PCSK2: variants seen among roughly 807,000 people sequenced by gnomAD.
PCSK2 encodes the protein neuroendocrine convertase 2.
PCSK2 carries 14 observed loss-of-function variants against 69.7 expected under a neutral mutation model. The ratio of observed to expected loss-of-function variants is 0.20; its 90% CI spans 0.13 to 0.31. PCSK2 has a LOEUF of 0.31. Among genes scored for constraint, PCSK2 ranks in the 10% least tolerant of loss-of-function variants. PCSK2 has a pLI of 1.00. For synonymous variants in PCSK2, 307 were observed against 320.7 expected, an observed-to-expected ratio of 0.96 and a Z score of 0.46; for missense variants, 544 against 842.5, an observed-to-expected ratio of 0.65 and a Z score of 4.39.
Position 17,361,232 on chromosome 20 carries a change from T to C in PCSK2, c.505+592T>C, listed in dbSNP as rs1329163296. ...GTAACAGGATTGGAGCTTGGGGAAA[T>C]TTGACTTTATTGCTGCTTTCAGAAT... On this transcript the variant is annotated intron_variant, in intron 4 of 11. Coordinates refer to ENST00000262545, the MANE Select transcript of PCSK2 (RefSeq NM_002594.5). Among the ~76,000 whole-genome samples, 3 of 152,174 alleles carry C rather than the reference T, an allele frequency of 2.0e-5. 1 individual carries two copies. The East Asian group carries it at 5.8e-4, about 29-fold the overall frequency.
chr20:17,274,878 A>G (rs1339431199), intron 2 of PCSK2, among the ~76,000 whole-genome samples: 1 of 152,064 alleles, frequency 6.6e-6, no homozygotes, highest in African/African-American at 2.4e-5. Flanking sequence ...CATGGCATAA[A>G]GCACATTAAA....
At chr20:17,303,477 A>G (rs189882167) in intron 2 of PCSK2, among the ~76,000 whole-genome samples, 1 of 49,852 alleles carries the variant, frequency 2.0e-5, no homozygotes, top group South Asian at 4.0e-4. Context: ...TATATTATAT[A>G]TAATATATAT....
chr20:17,317,670 T>C (rs1369592365), intron 2 of PCSK2, among the ~76,000 whole-genome samples: 4 of 152,228 alleles, frequency 2.6e-5, no homozygotes, highest in Non-Finnish European at 5.9e-5. Context: ...TTTATTCATG[T>C]GCACATTCAA....
intron 11 of PCSK2, among the ~76,000 whole-genome samples, chr20:17,481,378 T>G (rs2033396015): frequency 1.1e-5 from 1 of 91,086 alleles, no homozygotes; most frequent in Non-Finnish European, 1.9e-5. Flanking sequence ...TGGGACCCTG[T>G]CTCAAAAGAC....
At chr20:17,350,130 T>A (rs2029932432) in intron 2 of PCSK2, among the ~76,000 whole-genome samples, 1 of 147,576 alleles carries the variant, frequency 6.8e-6, no homozygotes, top group South Asian at 2.3e-4. Context: ...TGAGAACCCA[T>A]CCTAATCTAG....
chr20:17,303,482 A>ATAT (rs1568593523), intron 2 of PCSK2, among the ~76,000 whole-genome samples: 3,308 of 58,862 alleles, frequency 0.056, 141 homozygotes, highest in Non-Finnish European at 0.063. Context: ...TATATATAAT[A>ATAT]TATATTATAT....
chr20:17,322,985 T>C (rs1989921258), intron 2 of PCSK2, among the ~76,000 whole-genome samples: 1 of 152,128 alleles, frequency 6.6e-6, no homozygotes, highest in South Asian at 2.1e-4. Flanking sequence ...TGCCTCACTC[T>C]CCCAGAGTAG....
intron 5 of PCSK2, among the ~76,000 whole-genome samples, chr20:17,383,996 A>G (rs1423151092): frequency 6.6e-6 from 1 of 152,256 alleles, no homozygotes; most frequent in Non-Finnish European, 1.5e-5. Context: ...TGAAATTAAT[A>G]TAGAAAATAA....
At chr20:17,314,065 C>G (rs1432769362) in intron 2 of PCSK2, among the ~76,000 whole-genome samples, 2 of 152,080 alleles carry the variant, frequency 1.3e-5, no homozygotes, top group African/African-American at 4.8e-5. Flanking sequence ...TGTCCCTACC[C>G]CCACCCCAAA....
intron 2 of PCSK2, among the ~76,000 whole-genome samples, chr20:17,342,610 G>A (rs971631090): frequency 6.6e-6 from 1 of 151,324 alleles, no homozygotes; most frequent in African/African-American, 2.4e-5. Context: ...GAGCCACCAG[G>A]CCTCGCCTAT....
chr20:17,479,379 G>A (rs2033350197), intron 11 of PCSK2: 3 of 685,056 alleles, frequency 4.4e-6, no homozygotes, highest in Non-Finnish European at 8.2e-6. Flanking sequence ...AATATTGTGG[G>A]CTTCCTCAGC....
intron 6 of PCSK2, among the ~76,000 whole-genome samples, chr20:17,426,525 G>C (rs1012371503): frequency 6.6e-6 from 1 of 152,242 alleles, no homozygotes; most frequent in Non-Finnish European, 1.5e-5. Flanking sequence ...CCAGAGAACA[G>C]AACCAGTAGG....
chr20:17,366,609 T>C (rs1312931953), intron 4 of PCSK2, among the ~76,000 whole-genome samples: 2 of 152,200 alleles, frequency 1.3e-5, no homozygotes, highest in Non-Finnish European at 2.9e-5. Flanking sequence ...TAAAAGATAA[T>C]CAAATATACA....
chr20:17,476,134 A>G (rs1461139499), intron 11 of PCSK2, among the ~76,000 whole-genome samples: 1 of 152,236 alleles, frequency 6.6e-6, no homozygotes, highest in Non-Finnish European at 1.5e-5. Flanking sequence ...AGAGTCCTCC[A>G]GAGAGGTGGC....
chr20:17,304,585 T>C (rs934898052), intron 2 of PCSK2, among the ~76,000 whole-genome samples: 3 of 152,256 alleles, frequency 2.0e-5, no homozygotes, highest in Admixed American at 6.5e-5. Context: ...CTATTTTCTC[T>C]ACTTAGAAAC....
At chr20:17,439,153 T>A (rs2032547431) in intron 8 of PCSK2, among the ~76,000 whole-genome samples, 1 of 152,120 alleles carries the variant, frequency 6.6e-6, no homozygotes, top group Non-Finnish European at 1.5e-5. Flanking sequence ...TTTTTTCTTT[T>A]GAGATAGGGT....
At chr20:17,400,581 C>T (rs527655543) in intron 5 of PCSK2, among the ~76,000 whole-genome samples, 2 of 152,246 alleles carry the variant, frequency 1.3e-5, no homozygotes, top group Admixed American at 6.5e-5. Context: ...AAAAAAATTA[C>T]ACAAAATGTA....
intron 5 of PCSK2, among the ~76,000 whole-genome samples, chr20:17,391,764 A>G (rs1189821613): frequency 6.6e-6 from 1 of 152,086 alleles, no homozygotes; most frequent in African/African-American, 2.4e-5. Flanking sequence ...CCAGCTACTC[A>G]GGAGACTGAG....
At chr20:17,475,915 C>G (rs2033281460) in intron 11 of PCSK2, among the ~76,000 whole-genome samples, 1 of 152,192 alleles carries the variant, frequency 6.6e-6, no homozygotes, top group Admixed American at 6.5e-5. Context: ...AAAGAGAGCT[C>G]AAATTCAACA....
Sources: gnomAD v4.1 joint callset for allele counts (sites outside exome capture counted in the v4.1 genomes callset) on GRCh38, gnomAD v4.1.1 for gene constraint, MANE v1.5 for transcripts, NCBI Gene and HGNC (gene_info 2026-07-23, HGNC 2026-07-21) for gene names.